The following TANC2 variants were observed in gnomAD, a reference collection of about 807,000 sequenced individuals.
TANC2 encodes tetratricopeptide repeat, ankyrin repeat and coiled-coil containing 2, also known as protein TANC2.
Under a neutral mutation model 210.5 loss-of-function variants are expected in TANC2, and 26 were observed. The observed-to-expected ratio is 0.12, with a 90% CI of 0.09 to 0.17. The LOEUF is 0.17. TANC2 is among the 10% of genes least tolerant of loss of function. The probability of loss-of-function intolerance (pLI) is 1.00; values close to 1 mark genes in which losing one functional copy is unlikely to be tolerated. For missense variants in TANC2, 2,129 were observed against 2,608.9 expected, an observed-to-expected ratio of 0.82 and a Z score of 4.01; for synonymous variants, 931 against 967.1, an observed-to-expected ratio of 0.96 and a Z score of 0.69.
chr17:63,194,259 CTAT>C, intron 6 of TANC2, 120 bp downstream of exon 6: 1 of 1,053,166 alleles, frequency 9.5e-7, no homozygotes, highest in Non-Finnish European at 1.3e-6. Flanking sequence ...TCCATAATCA[CTAT>C]TATTTCTTCA....
chr17:63,326,801 A>G (rs529291185), intron 11 of TANC2, among the ~76,000 whole-genome samples: 1 of 152,274 alleles, frequency 6.6e-6, no homozygotes, highest in Non-Finnish European at 1.5e-5. Flanking sequence ...CAAAGTCAAA[A>G]GACAACTGAT....
intron 25 of TANC2, among the ~76,000 whole-genome samples, chr17:63,415,006 G>T (rs2048815540): frequency 1.3e-5 from 2 of 152,286 alleles, no homozygotes; most frequent in African/African-American, 4.8e-5. Context: ...ATTATTTTAT[G>T]CCATGAGATT....
At chr17:63,084,866 G>A (rs62076627) in intron 3 of TANC2, among the ~76,000 whole-genome samples, 1 of 152,042 alleles carries the variant, frequency 6.6e-6, no homozygotes, top group South Asian at 2.1e-4. Context: ...ATTCTTTTGA[G>A]TTTGTTAAGG....
At chr17:63,360,825 C>A (rs1045753338) in intron 14 of TANC2, among the ~76,000 whole-genome samples, 1 of 152,172 alleles carries the variant, frequency 6.6e-6, no homozygotes, top group Non-Finnish European at 1.5e-5. Flanking sequence ...GTAACCTTCC[C>A]CTACTCTCTA....
At chr17:63,100,266 G>A (rs761991462) in intron 4 of TANC2, among the ~76,000 whole-genome samples, 12 of 152,212 alleles carry the variant, frequency 7.9e-5, no homozygotes, top group Non-Finnish European at 1.3e-4. Context: ...TTCTGTCTAT[G>A]TAGAGTGAAA....
Position 63,420,100 on chromosome 17 carries a change from G to T in TANC2, c.4370G>T (p.Arg1457Ile). The change falls in exon 28 of 28, where the codon AGA (arginine) becomes ATA (isoleucine). Residue 1457 changes from arginine to isoleucine, a missense_variant. Arg to Ile is a moderately conservative substitution (Grantham distance 97). Coordinates refer to ENST00000689528, the Ensembl canonical transcript of TANC2. This position sits in a 1 kb window ranked among gnomAD's most constrained non-coding sequence, Gnocchi z 4.2. ...CTGCTGAGAGTGGAAGAAGAGTGTA[G>T]ACAGATGCAGCAGCCACAGCAGCCA... The T allele has an allele frequency of 1.3e-6, 2 of 1,552,104 alleles. No homozygotes were observed. Among genetic ancestry groups the T allele is most frequent in the Non-Finnish European group, 1.7e-6 (2 of 1,147,178 alleles).
intron 4 of TANC2, among the ~76,000 whole-genome samples, chr17:63,141,289 C>CCCA: frequency 6.9e-6 from 1 of 143,902 alleles, no homozygotes; most frequent in South Asian, 2.2e-4. Flanking sequence ...TGCCTGTAAT[C>CCCA]CCAGCACTTT....
chr17:63,047,170 C>G (rs1007318843), intron 2 of TANC2, among the ~76,000 whole-genome samples: 1 of 152,116 alleles, frequency 6.6e-6, no homozygotes, highest in Non-Finnish European at 1.5e-5. Flanking sequence ...TTTCAGGTGT[C>G]TGCTTTAGAC....
chr17:63,259,527 G>A (rs1370111220), intron 8 of TANC2, among the ~76,000 whole-genome samples: 4 of 152,098 alleles, frequency 2.6e-5, no homozygotes, highest in East Asian at 1.9e-4. Flanking sequence ...ACCTTCCCTC[G>A]TAGGCTTTTT....
chr17:63,123,255 C>T (rs1567741932), intron 4 of TANC2, among the ~76,000 whole-genome samples: 2 of 152,044 alleles, frequency 1.3e-5, no homozygotes, highest in East Asian at 1.9e-4. Flanking sequence ...GGTGGTAGGA[C>T]GATATAAGAG....
At chr17:63,289,502 T>C (rs2044321366) in intron 9 of TANC2, among the ~76,000 whole-genome samples, 1 of 152,232 alleles carries the variant, frequency 6.6e-6, no homozygotes, top group South Asian at 2.1e-4. Flanking sequence ...AAGGCATTCT[T>C]CACCTCTTTT....
intron 8 of TANC2, 118 bp from the exon 9 acceptor site, chr17:63,267,630 T>C: frequency 1.2e-6 from 1 of 867,886 alleles, no homozygotes; most frequent in Non-Finnish European, 1.7e-6. Flanking sequence ...TATTACATAT[T>C]TTGCATATAT....
chr17:62,988,459 A>G (rs1300568155), intron 1 of TANC2, among the ~76,000 whole-genome samples: 1 of 152,042 alleles, frequency 6.6e-6, no homozygotes, highest in Admixed American at 6.6e-5. Context: ...TCTTGCTCTA[A>G]TTACGTTTTT....
At chr17:63,224,654 C>A (rs998262773) in intron 7 of TANC2, among the ~76,000 whole-genome samples, 1 of 152,198 alleles carries the variant, frequency 6.6e-6, no homozygotes, top group African/African-American at 2.4e-5. Context: ...ATAACATCTC[C>A]CTATTAACTG....
intron 4 of TANC2, among the ~76,000 whole-genome samples, chr17:63,134,700 T>C (rs1372851371): frequency 6.6e-6 from 1 of 152,214 alleles, no homozygotes; most frequent in African/African-American, 2.4e-5. Context: ...GAATCCAAGC[T>C]TGGAAAAGTT....
At chr17:63,204,302 A>G (rs1452089995) in intron 7 of TANC2, among the ~76,000 whole-genome samples, 2 of 152,160 alleles carry the variant, frequency 1.3e-5, no homozygotes, top group Non-Finnish European at 2.9e-5. Flanking sequence ...AAAAAATTCT[A>G]CATTGAAAAC....
intron 12 of TANC2, among the ~76,000 whole-genome samples, chr17:63,348,153 A>G (rs1169692399): frequency 6.6e-6 from 1 of 152,184 alleles, no homozygotes. Flanking sequence ...GTCTGATATG[A>G]GTCTTCTTTT....
intron 4 of TANC2, chr17:63,120,934 T>C (rs2038451099): frequency 6.6e-6 from 1 of 151,150 alleles, no homozygotes. Flanking sequence ...TGCTAGTGAA[T>C]AGAATATAAC....
chr17:63,166,963 C>T (rs576820110), intron 5 of TANC2, among the ~76,000 whole-genome samples: 4 of 151,796 alleles, frequency 2.6e-5, no homozygotes, highest in South Asian at 2.1e-4. Flanking sequence ...GAGACAGAAG[C>T]TTAGGTGAGT....
Sources: allele counts gnomAD v4.1 joint callset (sites outside exome capture counted in the v4.1 genomes callset), GRCh38; gene constraint gnomAD v4.1.1; non-coding constraint Gnocchi (gnomAD v3.1); transcripts MANE v1.5; gene names NCBI Gene and HGNC (gene_info 2026-07-23, HGNC 2026-07-21).